Variants in TBCD observed in about 807,000 individuals in gnomAD.
The protein encoded by TBCD is tubulin-specific chaperone D.
TBCD carries 105 observed loss-of-function variants against 169.3 expected under a neutral mutation model. The ratio of observed to expected loss-of-function variants is 0.62; its 90% CI spans 0.53 to 0.73. The LOEUF (loss-of-function observed/expected upper bound fraction) is 0.73, where lower values mean the gene tolerates loss of function less well. Among genes scored for constraint, TBCD ranks in the 30% least tolerant of loss-of-function variants. TBCD has a pLI of 0.00. For missense variants in TBCD, 1,444 were observed against 1,600.1 expected, an observed-to-expected ratio of 0.90 and a Z score of 1.66; for synonymous variants, 700 against 643.9, an observed-to-expected ratio of 1.09 and a Z score of -1.32.
Position 82,923,654 on chromosome 17 carries a change from T to G in TBCD, c.2181T>G (p.Asp727Glu). Residue 727 changes from aspartate (D) to glutamate (E), a missense_variant and splice_region_variant, in exon 26 of 39, where the codon GAT (aspartate) becomes GAG (glutamate). Transcript: ENST00000355528. The surrounding 1 kb of genome is among the most constrained non-coding windows in gnomAD (Gnocchi z 4.6). Reference sequence around the variant, plus strand: ...TCACCGTGCTGCCTTTGTTTTAGGATGCAGCAGTCTCGGCCCTGGCTGCTC... The same window carrying G: ...TCACCGTGCTGCCTTTGTTTTAGGAGGCAGCAGTCTCGGCCCTGGCTGCTC... ...ISSHSRQQMK[D>E]AAVSALAALC... 1.3e-6 allele frequency: 2 copies of G among 1,573,516 alleles called. No homozygotes were observed. The highest frequency in any genetic ancestry group is 1.7e-6 in the Non-Finnish European group (2 of 1,158,768).
chr17:82,937,425 A>T (rs1164826478), intron 35 of TBCD, 65 bp downstream of exon 35: 1 of 1,438,444 alleles, frequency 7.0e-7, no homozygotes. Context: ...GGCTGAGGGC[A>T]GGAGTCCACG....
At position 82,831,117 on chromosome 17, in the gene TBCD, G is replaced by A. The variant is rs768480925; in HGVS notation, c.1318+16183G>A. On this transcript the variant is annotated intron_variant, in intron 13 of 38. Coordinates refer to ENST00000355528, the MANE Select transcript of TBCD (RefSeq NM_005993.5). The surrounding 1 kb of genome is among the most constrained non-coding windows in gnomAD (Gnocchi z 4.6). The stretch of plus-strand genomic sequence containing the variant: ...AGGCTGTGAGGCTTTGCTCTGGCGG[G>A]TAGAGTCTTCCCAGTGCGCTGGAGG... The A allele has an allele frequency of 4.3e-6, 7 of 1,614,196 alleles. No individual in the cohort carries two copies. The highest frequency in any genetic ancestry group is 5.9e-6 in the Non-Finnish European group (7 of 1,180,048).
chr17:82,777,868 G>C (rs1388120923), intron 6 of TBCD, among the ~76,000 whole-genome samples: 1 of 152,050 alleles, frequency 6.6e-6, no homozygotes, highest in African/African-American at 2.4e-5. Context: ...CTCTTTCCCG[G>C]TCCGCTAAGT....
rs1003348771 is a variant in TBCD at position 82,782,752 on chromosome 17, C to T, written c.771+1031C>T. On this transcript the variant is annotated intron_variant, in intron 7 of 38. Coordinates refer to ENST00000355528, the MANE Select transcript of TBCD (RefSeq NM_005993.5). This position sits in a 1 kb window ranked among gnomAD's most constrained non-coding sequence, Gnocchi z 5.1. ...GTCCGCAGCATCGTCTTCCTATCCG[C>T]GGCATTGTCTTCCTATCCGCGGCGT... 9.6e-5 allele frequency among the ~76,000 whole-genome samples: 14 copies of T among 145,102 alleles called. No homozygotes were observed. The highest frequency in any genetic ancestry group is 3.4e-4 in the African/African-American group (12 of 35,210).
intron 34 of TBCD, among the ~76,000 whole-genome samples, chr17:82,936,770 C>A (rs1462151365): frequency 6.6e-6 from 1 of 152,216 alleles, no homozygotes; most frequent in Admixed American, 6.5e-5. Context: ...CCTCTCAGAG[C>A]TGCTCATCAG....
At chr17:82,838,797 C>G (rs1190760713) in intron 13 of TBCD, 2 of 985,302 alleles carry the variant, frequency 2.0e-6, no homozygotes, top group Non-Finnish European at 2.4e-6. Context: ...GCTCTTAACT[C>G]TAGTTTCGGC....
chr17:82,909,926 A>C (rs114740941), intron 22 of TBCD, among the ~76,000 whole-genome samples: 275 of 152,128 alleles, frequency 1.8e-3, no homozygotes, highest in African/African-American at 6.0e-3. Context: ...CTTTTTCTAG[A>C]ATTTGCTACC....
Position 82,832,628 on chromosome 17 carries a change from G to A in TBCD, c.1318+17694G>A, listed in dbSNP as rs1039232089. 12 of 659,794 alleles carry A rather than the reference G, an allele frequency of 1.8e-5. No individual in the cohort carries two copies. The highest frequency in any genetic ancestry group is 8.1e-5 in the East Asian group (3 of 36,810). The allele number at this position is 659,794 out of a possible 1,614,324, so 40.9% of individuals were successfully genotyped here. On this transcript the variant is annotated intron_variant, in intron 13 of 38. Coordinates refer to ENST00000355528, the MANE Select transcript of TBCD (RefSeq NM_005993.5). The surrounding 1 kb of genome is among the most constrained non-coding windows in gnomAD (Gnocchi z 4.9). ...CTGGCGAGAGCCTCCGTCATCTGGC[G>A]GCTGGGAGCTGTAATAAAGAGCAGT...
intron 17 of TBCD, among the ~76,000 whole-genome samples, chr17:82,896,453 GTTTTTTTT>G (rs1014108505): frequency 8.6e-4 from 79 of 91,434 alleles, no homozygotes; most frequent in African/African-American, 3.4e-3. Context: ...TGTGCTGTCA[GTTTTTTTT>G]TTTTTTTTTT....
At chr17:82,867,952 G>A (rs1310624889) in intron 13 of TBCD, among the ~76,000 whole-genome samples, 7 of 152,154 alleles carry the variant, frequency 4.6e-5, no homozygotes, top group South Asian at 2.1e-4. Flanking sequence ...GGAGGACTCC[G>A]GGAGGTGCTT....
At position 82,814,877 on chromosome 17, in the gene TBCD, C is replaced by T; in HGVS notation, c.1261C>T (p.Leu421=). ...TGACAAGGCGTGGCATGGGGGATGT[C>T]TGGCGCTGGCAGAGCTGGGCAGGAG... The part of the protein sequence containing the change: ...ETDKAWHGGC[L]ALAELGRRGL... The change falls in exon 13 of 39, where the codon CTG becomes TTG. Residue 421 remains leucine (L), a synonymous_variant. Coordinates refer to ENST00000355528, the MANE Select transcript of TBCD (RefSeq NM_005993.5). The T allele has an allele frequency of 6.2e-7, 1 of 1,613,616 alleles. No individual in the cohort carries two copies. Among genetic ancestry groups the T allele is most frequent in the Non-Finnish European group, 8.5e-7 (1 of 1,179,764 alleles).
At chr17:82,910,676 C>CTG (rs1474928988) in intron 22 of TBCD, among the ~76,000 whole-genome samples, 1 of 152,146 alleles carries the variant, frequency 6.6e-6, no homozygotes, top group Non-Finnish European at 1.5e-5. Context: ...AGCGACTCTC[C>CTG]TGTCTCAGCC....
Position 82,789,174 on chromosome 17 carries a change from GGCCAC to G in TBCD, c.771+7456_771+7460del, listed in dbSNP as rs1481446156. Among the ~76,000 whole-genome samples the G allele has an allele frequency of 6.6e-5, 10 of 152,210 alleles. No individual in the cohort carries two copies. The highest frequency in any genetic ancestry group is 2.4e-4 in the African/African-American group (10 of 41,448). ...CATTTGGGTGAAACGAGGTACCCCAGGCCACGCTGGTTCGGTCTCCTCGTGGCGTT... is the reference window on the plus strand; with the variant it reads ...CATTTGGGTGAAACGAGGTACCCCAGGCTGGTTCGGTCTCCTCGTGGCGTT... On this transcript the variant is annotated intron_variant, in intron 7 of 38. Coordinates refer to ENST00000355528, the MANE Select transcript of TBCD (RefSeq NM_005993.5). The surrounding 1 kb of genome is among the most constrained non-coding windows in gnomAD (Gnocchi z 4.8).
chr17:82,866,951 G>A (rs1054411476), intron 13 of TBCD, among the ~76,000 whole-genome samples: 2 of 152,258 alleles, frequency 1.3e-5, no homozygotes, highest in African/African-American at 4.8e-5. Context: ...AGGAAGTGCT[G>A]ATCAGACTGA....
intron 22 of TBCD, among the ~76,000 whole-genome samples, 174 bp downstream of exon 22, chr17:82,909,481 GTGAT>G (rs1445327765): frequency 1.4e-5 from 2 of 145,938 alleles, no homozygotes; most frequent in Non-Finnish European, 3.1e-5. Flanking sequence ...ACCTGGTTGT[GTGAT>G]TGGGTTGAGT....
chr17:82,911,862 C>T (rs768984685), intron 23 of TBCD, 73 bp downstream of exon 23: 131 of 1,549,012 alleles, frequency 8.5e-5, no homozygotes, highest in Non-Finnish European at 1.1e-4. Context: ...GTGCTCGTGG[C>T]GTGCAGGGCG....
Position 82,884,050 on chromosome 17 carries a change from C to A in TBCD, c.1476-95C>A. On this transcript the variant is annotated intron_variant, in intron 14 of 38. Coordinates refer to ENST00000355528, the MANE Select transcript of TBCD (RefSeq NM_005993.5). This position sits in a 1 kb window ranked among gnomAD's most constrained non-coding sequence, Gnocchi z 4.2. Reference sequence around the variant, plus strand: ...GGGGCATGTCTGAACCTCAAGTGGGCCTGAGTCGTGAGAGAAAGGCTTTCT... The same window carrying A: ...GGGGCATGTCTGAACCTCAAGTGGGACTGAGTCGTGAGAGAAAGGCTTTCT... The A allele has an allele frequency of 8.1e-7, 1 of 1,237,470 alleles. No individual in the cohort carries two copies. Among genetic ancestry groups the A allele is most frequent in the Non-Finnish European group, 1.2e-6 (1 of 868,788 alleles). The allele number at this position is 1,237,470 out of a possible 1,614,324, so 76.7% of individuals were successfully genotyped here.
intron 13 of TBCD, chr17:82,865,388 C>A: frequency 1.2e-6 from 1 of 868,218 alleles, no homozygotes; most frequent in Non-Finnish European, 1.4e-6. Context: ...CCACATCCAC[C>A]CCATCGTGGG....
intron 17 of TBCD, among the ~76,000 whole-genome samples, chr17:82,893,861 G>T (rs1185648871): frequency 6.6e-6 from 1 of 152,214 alleles, no homozygotes; most frequent in Non-Finnish European, 1.5e-5. Flanking sequence ...ATTTACTCAC[G>T]TGTTAAAGAG....
Sources: gnomAD v4.1 joint callset for allele counts (sites outside exome capture counted in the v4.1 genomes callset) on GRCh38, gnomAD v4.1.1 for gene constraint, Gnocchi (gnomAD v3.1) non-coding constraint, MANE v1.5 for transcripts, NCBI Gene and HGNC (gene_info 2026-07-23, HGNC 2026-07-21) for gene names.